DTNA: variants seen among roughly 807,000 people sequenced by gnomAD.
DTNA encodes dystrophin-related protein 3.
DTNA carries 43 observed loss-of-function variants against 100.7 expected under a neutral mutation model. The ratio of observed to expected loss-of-function variants is 0.43; its 90% CI spans 0.33 to 0.55. The LOEUF (loss-of-function observed/expected upper bound fraction) is 0.55, where lower values mean the gene tolerates loss of function less well. DTNA is among the 20% of genes least tolerant of loss of function. DTNA has a pLI of 0.04. For missense variants in DTNA, 798 were observed against 953.9 expected (o/e 0.84, Z 2.15); for synonymous variants, 349 against 347.9 (o/e 1.00, Z -0.04).
intron 3 of DTNA, among the ~76,000 whole-genome samples, chr18:34,768,629 G>A (rs2093612549): frequency 1.3e-5 from 2 of 152,174 alleles, no homozygotes; most frequent in Admixed American, 1.3e-4. Flanking sequence ...TTGAAAAACA[G>A]TAGAGAAGAA....
chr18:34,857,497 C>T (rs941017245), intron 15 of DTNA, among the ~76,000 whole-genome samples: 1 of 152,150 alleles, frequency 6.6e-6, no homozygotes, highest in Non-Finnish European at 1.5e-5. Context: ...ATTTGCCTTG[C>T]CAGGTCACAT....
chr18:34,646,608 T>C (rs1458349676), intron 1 of DTNA, among the ~76,000 whole-genome samples: 1 of 152,176 alleles, frequency 6.6e-6, no homozygotes. Context: ...CCAAATACAG[T>C]GCTACAAATT....
intron 1 of DTNA, among the ~76,000 whole-genome samples, chr18:34,580,828 T>C (rs1440938502): frequency 6.6e-6 from 1 of 152,146 alleles, no homozygotes; most frequent in Admixed American, 6.5e-5. Flanking sequence ...CCAGCCTGTA[T>C]CAACTACCCC....
intron 1 of DTNA, among the ~76,000 whole-genome samples, chr18:34,740,610 T>A (rs564565041): frequency 6.6e-6 from 1 of 152,206 alleles, no homozygotes; most frequent in African/African-American, 2.4e-5. Context: ...GGTGACATAG[T>A]GAGACCTTGT....
intron 1 of DTNA, among the ~76,000 whole-genome samples, chr18:34,658,413 C>T (rs1599709469): frequency 1.3e-5 from 2 of 152,238 alleles, no homozygotes; most frequent in Middle Eastern, 3.4e-3. Context: ...AGCGCAGTGG[C>T]GTGATCTTGG....
At chr18:34,743,092 T>G (rs1481363534) in intron 1 of DTNA, among the ~76,000 whole-genome samples, 1 of 152,188 alleles carries the variant, frequency 6.6e-6, no homozygotes, top group Non-Finnish European at 1.5e-5. Flanking sequence ...GGAAGGGACA[T>G]AATTAAAAGC....
chr18:34,596,868 TTA>T (rs2050719398), intron 1 of DTNA, among the ~76,000 whole-genome samples: 1 of 152,164 alleles, frequency 6.6e-6, no homozygotes, highest in South Asian at 2.1e-4. Context: ...TTTTTTTTAA[TTA>T]TACGCAAGTT....
intron 1 of DTNA, among the ~76,000 whole-genome samples, chr18:34,622,244 A>G (rs139781752): frequency 6.6e-6 from 1 of 152,354 alleles, no homozygotes; most frequent in East Asian, 1.9e-4. Flanking sequence ...ATTGTACACT[A>G]TAAATATATG....
intron 4 of DTNA, among the ~76,000 whole-genome samples, chr18:34,797,478 G>T (rs2095031090): frequency 6.6e-6 from 1 of 152,030 alleles, no homozygotes; most frequent in African/African-American, 2.4e-5. Flanking sequence ...CTTCTTTGCT[G>T]CCAGGAGCCT....
chr18:34,801,036 C>T (rs1304940568), intron 4 of DTNA, among the ~76,000 whole-genome samples: 2 of 152,122 alleles, frequency 1.3e-5, no homozygotes, highest in Non-Finnish European at 2.9e-5. Context: ...AAATTTTTAA[C>T]ATAAAACACC....
intron 1 of DTNA, among the ~76,000 whole-genome samples, chr18:34,722,683 A>G (rs991315268): frequency 9.9e-5 from 15 of 151,900 alleles, no homozygotes; most frequent in Non-Finnish European, 1.9e-4. Flanking sequence ...ATCACCACCA[A>G]AAATTTCCTC....
intron 1 of DTNA, among the ~76,000 whole-genome samples, chr18:34,688,790 A>G (rs1271824961): frequency 6.6e-6 from 1 of 152,084 alleles, no homozygotes; most frequent in Non-Finnish European, 1.5e-5. Context: ...AATCAAACGT[A>G]GATTTTGTCT....
At chr18:34,874,465 A>G (rs1166042004) in intron 17 of DTNA, among the ~76,000 whole-genome samples, 6 of 152,372 alleles carry the variant, frequency 3.9e-5, no homozygotes, top group South Asian at 4.1e-4. Flanking sequence ...GAATAGTTTC[A>G]TGCCAAAAAC....
intron 1 of DTNA, among the ~76,000 whole-genome samples, chr18:34,599,265 T>G (rs934263070): frequency 6.6e-6 from 1 of 152,236 alleles, no homozygotes; most frequent in African/African-American, 2.4e-5. Context: ...ACTCAGTGTT[T>G]GAGATCCCAG....
chr18:34,803,903 T>C (rs190630182), intron 4 of DTNA, among the ~76,000 whole-genome samples: 2 of 152,328 alleles, frequency 1.3e-5, no homozygotes, highest in East Asian at 3.9e-4. Context: ...ATATAAGAAA[T>C]GTATTAGTCA....
At chr18:34,537,834 T>C (rs1216174109) in intron 1 of DTNA, among the ~76,000 whole-genome samples, 1 of 151,968 alleles carries the variant, frequency 6.6e-6, no homozygotes, top group African/African-American at 2.4e-5. Flanking sequence ...GATTAGACTT[T>C]GATGAAATGT....
Position 34,616,300 on chromosome 18 carries a change from G to A in DTNA, c.-2+122786G>A, listed in dbSNP as rs868297721. 9.9e-5 allele frequency among the ~76,000 whole-genome samples: 15 copies of A among 152,164 alleles called. 1 individual carries two copies. The highest frequency in any genetic ancestry group is 6.2e-4 in the South Asian group (3 of 4,818). ...AAATACCATTTTAGAGGTAGGCCCC[G>A]GCAAATATTTTATGATGAAATGGAA... On this transcript the variant is annotated intron_variant, in intron 1 of 19. Coordinates refer to the DTNA transcript ENST00000283365.
chr18:34,875,308 C>T lies in DTNA; in HGVS notation c.1813C>T (p.Arg605Trp), dbSNP rs749405895. ...TISRPIPMPIRSASACSTPTH... is the reference protein window; with the variant it reads ...TISRPIPMPIWSASACSTPTH... ...CAGCAGGCCAATTCCCATGCCCATC[C>T]GGTCAGCGTCAGCCTGCTCCACCCC... is the stretch of plus-strand genomic sequence containing the variant. The change falls in exon 18 of 23, where the codon CGG (arginine) becomes TGG (tryptophan). Residue 605 changes from arginine (R) to tryptophan (W), a missense_variant. Coordinates refer to ENST00000444659, the MANE Select transcript of DTNA (RefSeq NM_001386795.1). 19 of 1,614,056 alleles carry T rather than the reference C, an allele frequency of 1.2e-5. No individual in the cohort carries two copies. The African/African-American group carries it at 1.7e-4, about 15-fold the overall frequency.
intron 1 of DTNA, among the ~76,000 whole-genome samples, chr18:34,518,380 T>C (rs1456313059): frequency 6.6e-6 from 1 of 152,152 alleles, no homozygotes; most frequent in Non-Finnish European, 1.5e-5. Context: ...TGTCTTTTTT[T>C]CTTGTTATCT....
Sources: allele counts gnomAD v4.1 joint callset (sites outside exome capture counted in the v4.1 genomes callset), GRCh38; gene constraint gnomAD v4.1.1; transcripts MANE v1.5; gene names NCBI Gene and HGNC (gene_info 2026-07-23, HGNC 2026-07-21).